The following DCDC2C variants were observed in gnomAD, a reference collection of about 807,000 sequenced individuals.
DCDC2C encodes doublecortin domain containing 2C.
Under a neutral mutation model 45.0 loss-of-function variants are expected in DCDC2C, and 44 were observed. The observed-to-expected ratio is 0.98, with a 90% CI of 0.77 to 1.26. The LOEUF (loss-of-function observed/expected upper bound fraction) is 1.26, where lower values mean the gene tolerates loss of function less well. Ranked by LOEUF, DCDC2C falls within the 50% of genes most tolerant of loss-of-function variation. The pLI, the probability that DCDC2C is intolerant of heterozygous loss-of-function variation, is 0.00. For synonymous variants in DCDC2C, 187 were observed against 178.8 expected, an observed-to-expected ratio of 1.05 and a Z score of -0.37; for missense variants, 447 against 468.9, an observed-to-expected ratio of 0.95 and a Z score of 0.43.
chr2:3,731,040 C>A (rs1668852842), intron 3 of DCDC2C, among the ~76,000 whole-genome samples: 1 of 152,186 alleles, frequency 6.6e-6, no homozygotes, highest in Non-Finnish European at 1.5e-5. Flanking sequence ...TTTGTGGAGT[C>A]ATTTACAAAG....
intron 10 of DCDC2C, among the ~76,000 whole-genome samples, chr2:3,815,875 G>A (rs1028305148): frequency 6.6e-6 from 1 of 152,228 alleles, no homozygotes; most frequent in Non-Finnish European, 1.5e-5. Context: ...CCATCTGGAT[G>A]TATACATGCA....
At chr2:3,797,279 G>T (rs540729408) in intron 10 of DCDC2C, among the ~76,000 whole-genome samples, 15 of 151,888 alleles carry the variant, frequency 9.9e-5, no homozygotes, top group African/African-American at 3.6e-4. Flanking sequence ...TATTAGTCTT[G>T]CTAGTGGTCT....
intron 2 of DCDC2C, among the ~76,000 whole-genome samples, chr2:3,719,328 G>A (rs35498072): frequency 0.16 from 25,057 of 152,092 alleles, 2,621 homozygotes; most frequent in Non-Finnish European, 0.22. Context: ...CTCATGATCT[G>A]CCCGCCTTGG....
At chr2:3,832,626 T>C (rs1461902377) in intron 10 of DCDC2C, among the ~76,000 whole-genome samples, 1 of 152,172 alleles carries the variant, frequency 6.6e-6, no homozygotes, top group East Asian at 1.9e-4. Flanking sequence ...TCCGCTTGAG[T>C]CTTCTCTTCT....
chr2:3,766,334 G>A (rs957839938), intron 6 of DCDC2C, among the ~76,000 whole-genome samples: 3 of 147,822 alleles, frequency 2.0e-5, no homozygotes, highest in Non-Finnish European at 3.0e-5. Flanking sequence ...ACACACACAC[G>A]GTGTCTTTAT....
chr2:3,760,362 A>G (rs1055666996), intron 6 of DCDC2C, among the ~76,000 whole-genome samples: 3 of 152,268 alleles, frequency 2.0e-5, no homozygotes, highest in African/African-American at 7.2e-5. Flanking sequence ...TCATTCTGCT[A>G]TAAAGACACA....
intron 10 of DCDC2C, among the ~76,000 whole-genome samples, chr2:3,804,963 G>A (rs1287974184): frequency 1.3e-5 from 2 of 152,188 alleles, no homozygotes; most frequent in East Asian, 3.8e-4. Context: ...TAAAGTAGGA[G>A]ATGAATGTGA....
chr2:3,716,967 G>A (rs1306538709), intron 2 of DCDC2C, among the ~76,000 whole-genome samples: 1 of 152,144 alleles, frequency 6.6e-6, no homozygotes, highest in Non-Finnish European at 1.5e-5. Flanking sequence ...GGCCTTGTTG[G>A]TCATAGCCCT....
At position 3,847,738 on chromosome 2, in the gene DCDC2C, G is replaced by A. The variant is rs779955839; in HGVS notation, c.*555G>A. ...ATTGTAATCCCCATGTGTTGGAGGA[G>A]GGGGCCGGTGGGAGGTGATTGAATC... On this transcript the variant is annotated 3_prime_UTR_variant, in exon 11 of 11. Transcript: ENST00000399143. 4.6e-5 allele frequency among the ~76,000 whole-genome samples: 7 copies of A among 152,282 alleles called. No individual in the cohort carries two copies. The highest frequency in any genetic ancestry group is 3.4e-3 in the Middle Eastern group (1 of 294).
At chr2:3,726,654 T>G (rs924702143) in intron 2 of DCDC2C, among the ~76,000 whole-genome samples, 1 of 152,214 alleles carries the variant, frequency 6.6e-6, no homozygotes, top group Non-Finnish European at 1.5e-5. Context: ...TAGTAGGCCA[T>G]TGACGCATGC....
At position 3,742,007 on chromosome 2, in the gene DCDC2C, C is replaced by T. The variant is rs1669228846; in HGVS notation, c.504C>T (p.Ala168=). The change falls in exon 4 of 11, where the codon GCC becomes GCT. Residue 168 remains alanine (A), a synonymous_variant. Coordinates refer to ENST00000399143, the MANE Select transcript of DCDC2C (RefSeq NM_001287444.2). ...FSLSDWDIVL[A]TIGEKVFPLG... ...TGTCCGATTGGGACATCGTGCTGGC[C>T]ACGATCGGAGAAAAAGTCTTCCCTC... The T allele has an allele frequency of 6.5e-7, 1 of 1,547,684 alleles. No homozygotes were observed. The highest frequency in any genetic ancestry group is 2.0e-5 in the Admixed American group (1 of 50,560).
At position 3,833,123 on chromosome 2, in the gene DCDC2C, T is replaced by C. The variant is rs191966687; in HGVS notation, c.1066-14031T>C. 6.6e-3 allele frequency among the ~76,000 whole-genome samples: 1,002 copies of C among 152,336 alleles called. 15 individuals are homozygous for C. Among genetic ancestry groups the C allele is most frequent in the African/African-American group, 0.023 (962 of 41,570 alleles). On this transcript the variant is annotated intron_variant, in intron 10 of 10. Coordinates refer to ENST00000399143, the MANE Select transcript of DCDC2C (RefSeq NM_001287444.2). ...TTCAAAGGCAGTAACCCTGCATCCC[T>C]CTGAGCATTCTTTTGCCATCACGTT... is the stretch of plus-strand genomic sequence containing the variant.
At chr2:3,843,326 C>G (rs1034377924) in intron 10 of DCDC2C, among the ~76,000 whole-genome samples, 7 of 152,196 alleles carry the variant, frequency 4.6e-5, no homozygotes, top group South Asian at 4.2e-4. Flanking sequence ...TGGTTTGGGT[C>G]TACGCGTTAC....
intron 10 of DCDC2C, among the ~76,000 whole-genome samples, chr2:3,830,495 T>C (rs550873018): frequency 1.2e-3 from 185 of 152,288 alleles, no homozygotes; most frequent in African/African-American, 3.9e-3. Flanking sequence ...CATGTCCTCA[T>C]TGGTAAGATG....
intron 3 of DCDC2C, among the ~76,000 whole-genome samples, chr2:3,730,562 G>A (rs1246913816): frequency 2.0e-5 from 3 of 152,114 alleles, no homozygotes; most frequent in Non-Finnish European, 4.4e-5. Flanking sequence ...CCTGCTTCTA[G>A]TGAGCAAAGG....
At chr2:3,727,302 ACC>A (rs1171720932) in intron 3 of DCDC2C, among the ~76,000 whole-genome samples, 1 of 151,784 alleles carries the variant, frequency 6.6e-6, no homozygotes, top group Non-Finnish European at 1.5e-5. Context: ...CTCCTCTTGA[ACC>A]CTGATTTTGG....
At chr2:3,814,856 G>A (rs185912026) in intron 10 of DCDC2C, among the ~76,000 whole-genome samples, 1 of 152,382 alleles carries the variant, frequency 6.6e-6, no homozygotes, top group East Asian at 1.9e-4. Flanking sequence ...GGGCTGTAGG[G>A]GACAAGTCTT....
intron 10 of DCDC2C, among the ~76,000 whole-genome samples, chr2:3,836,111 C>T (rs796650985): frequency 5.9e-5 from 9 of 152,180 alleles, no homozygotes; most frequent in South Asian, 2.1e-4. Context: ...ATCTGACCAG[C>T]GCCACCCACC....
intron 10 of DCDC2C, among the ~76,000 whole-genome samples, chr2:3,819,229 G>T (rs900894482): frequency 6.6e-6 from 1 of 152,352 alleles, no homozygotes. Context: ...AGTTCCAGGG[G>T]TTCTGGGAGT....
Sources: allele counts gnomAD v4.1 joint callset (sites outside exome capture counted in the v4.1 genomes callset), GRCh38; gene constraint gnomAD v4.1.1; transcripts MANE v1.5; gene names NCBI Gene and HGNC (gene_info 2026-07-23, HGNC 2026-07-21).